The following UGGT1 variants were observed in gnomAD, a reference collection of about 807,000 sequenced individuals.
The protein encoded by UGGT1 is UDP-glucose:glycoprotein glucosyltransferase 1.
In UGGT1, 107 loss-of-function variants were observed where a neutral mutation model predicts 203.9. The ratio of observed to expected loss-of-function variants is 0.52; its 90% CI spans 0.45 to 0.62. The LOEUF is 0.62. UGGT1 is among the 20% of genes least tolerant of loss of function. The pLI, the probability that UGGT1 is intolerant of heterozygous loss-of-function variation, is 0.00. For synonymous variants in UGGT1, 628 were observed against 653.5 expected (o/e 0.96, Z 0.59); for missense variants, 1,673 against 1,867.2 (o/e 0.90, Z 1.92).
Position 128,176,860 on chromosome 2 carries a change from G to A in UGGT1, c.3586G>A (p.Val1196Ile), listed in dbSNP as rs780702614. ...CCCTGATGCTGATGAGGTGGTTATCGTCCTCAACAACTTCAAAAGCAAAAT... is the reference window on the plus strand; with the variant it reads ...CCCTGATGCTGATGAGGTGGTTATCATCCTCAACAACTTCAAAAGCAAAAT... ...SPPDADEVVI[V>I]LNNFKSKIIK... The change falls in exon 32 of 41, where the codon GTC becomes ATC. Residue 1196 changes from valine to isoleucine, a missense_variant. Coordinates refer to ENST00000259253, the MANE Select transcript of UGGT1 (RefSeq NM_020120.4). 21 of 1,614,000 alleles carry A rather than the reference G, an allele frequency of 1.3e-5. No individual in the cohort carries two copies. The highest frequency in any genetic ancestry group is 1.6e-4 in the Middle Eastern group (1 of 6,080).
intron 16 of UGGT1, among the ~76,000 whole-genome samples, chr2:128,139,583 G>A (rs1015925034): frequency 1.3e-5 from 2 of 152,182 alleles, no homozygotes; most frequent in African/African-American, 4.8e-5. Flanking sequence ...GGAAAGCTGG[G>A]CAGTATTCTG....
chr2:128,103,494 A>G (rs1419790121), intron 2 of UGGT1, among the ~76,000 whole-genome samples: 1 of 152,132 alleles, frequency 6.6e-6, no homozygotes, highest in Non-Finnish European at 1.5e-5. Flanking sequence ...TACGGTTCAT[A>G]TTTTACTGTG....
intron 25 of UGGT1, among the ~76,000 whole-genome samples, chr2:128,163,340 C>G (rs1690621188): frequency 6.8e-6 from 1 of 147,580 alleles, no homozygotes; most frequent in African/African-American, 2.5e-5. Context: ...AATTCTTATT[C>G]AGGATTTAGT....
At chr2:128,176,743 G>C in intron 31 of UGGT1, 71 bp from the exon 32 acceptor site, 1 of 1,379,494 alleles carries the variant, frequency 7.2e-7, no homozygotes, top group Non-Finnish European at 1.0e-6. Flanking sequence ...GATGGACTCA[G>C]ATGCTCTGAG....
At chr2:128,115,372 AT>A in intron 7 of UGGT1, 152 bp downstream of exon 7, 1 of 581,542 alleles carries the variant, frequency 1.7e-6, no homozygotes, top group Admixed American at 3.0e-5. Flanking sequence ...CCTTAAGCAG[AT>A]TCTCTAGATC....
chr2:128,173,730 T>TTATTCATG, intron 29 of UGGT1, 51 bp from the exon 30 acceptor site: 1 of 1,591,656 alleles, frequency 6.3e-7, no homozygotes, highest in East Asian at 2.2e-5. Context: ...CATTTCAGAT[T>TTATTCATG]TATTCATGTT....
At chr2:128,156,066 C>T (rs1248415090) in intron 20 of UGGT1, among the ~76,000 whole-genome samples, 6 of 152,176 alleles carry the variant, frequency 3.9e-5, no homozygotes, top group African/African-American at 1.2e-4. Flanking sequence ...CAGATTCTGT[C>T]GCCCTCGGGT....
rs558671719 is a variant in UGGT1 at position 128,109,862 on chromosome 2, A to G, written c.521+116A>G. The G allele has an allele frequency of 1.9e-4, 144 of 777,040 alleles. No homozygotes were observed. In the African/African-American group the frequency reaches 2.2e-3, roughly 12 times the overall value. 48.1% of individuals were successfully genotyped at this position (777,040 alleles called of 1,614,324 possible). Reference sequence around the variant, plus strand: ...ATCATTAGGTGTAATGGTTTAGAGTATGGCTTCTGGAACCAGACTGACTAT... The same window carrying G: ...ATCATTAGGTGTAATGGTTTAGAGTGTGGCTTCTGGAACCAGACTGACTAT... On this transcript the variant is annotated intron_variant, in intron 5 of 40. Transcript: ENST00000259253.
chr2:128,106,081 A>G (rs1347364364), intron 3 of UGGT1, among the ~76,000 whole-genome samples: 1 of 149,154 alleles, frequency 6.7e-6, no homozygotes, highest in South Asian at 2.1e-4. Flanking sequence ...ATGGGATTAC[A>G]GGCGTGGGCC....
intron 8 of UGGT1, among the ~76,000 whole-genome samples, 194 bp from the exon 9 acceptor site, chr2:128,120,162 A>G (rs1305055685): frequency 2.0e-5 from 3 of 152,126 alleles, no homozygotes; most frequent in Non-Finnish European, 2.9e-5. Flanking sequence ...TATAAATTTT[A>G]TGAGTTTTAA....
At chr2:128,094,848 A>G (rs1264620670) in intron 1 of UGGT1, among the ~76,000 whole-genome samples, 2 of 143,446 alleles carry the variant, frequency 1.4e-5, no homozygotes, top group African/African-American at 5.2e-5. Flanking sequence ...TCCCGGGTTC[A>G]AGCGATTCTC....
chr2:128,187,484 A>G lies in UGGT1; in HGVS notation c.4512A>G (p.Glu1504=), dbSNP rs1558833776. The change falls in exon 40 of 41, where the codon GAA becomes GAG. Residue 1504 remains glutamate (E), a synonymous_variant. Transcript: ENST00000259253. ...NNPMTKEPKL[E]AAVRIVPEWQ... ...CGATGACCAAAGAGCCGAAACTGGA[A>G]GCAGCTGTGCGGATTGTCCCGGAGT... is the stretch of plus-strand genomic sequence containing the variant. The G allele has an allele frequency of 1.2e-6, 2 of 1,614,114 alleles. No homozygotes were observed. Among genetic ancestry groups the G allele is most frequent in the Non-Finnish European group, 1.7e-6 (2 of 1,179,982 alleles).
At chr2:128,182,099 T>A (rs1691719516) in intron 36 of UGGT1, 31 bp from the exon 37 acceptor site, 1 of 1,607,286 alleles carries the variant, frequency 6.2e-7, no homozygotes, top group Non-Finnish European at 8.5e-7. Flanking sequence ...TCTGCATGGT[T>A]GCTTAACAAA....
chr2:128,175,418 A>G (rs1173664104), intron 31 of UGGT1, among the ~76,000 whole-genome samples: 1 of 152,104 alleles, frequency 6.6e-6, no homozygotes, highest in African/African-American at 2.4e-5. Context: ...AAAAAGTTTG[A>G]TATAAATTCT....
chr2:128,174,925 T>C, intron 31 of UGGT1, 67 bp downstream of exon 31: 5 of 1,375,392 alleles, frequency 3.6e-6, no homozygotes, highest in Non-Finnish European at 3.0e-6. Flanking sequence ...TCTAATTGAA[T>C]ACTACCCTGG....
At chr2:128,170,757 C>A (rs1391828214) in intron 27 of UGGT1, among the ~76,000 whole-genome samples, 2 of 152,092 alleles carry the variant, frequency 1.3e-5, no homozygotes, top group Non-Finnish European at 2.9e-5. Context: ...TTTGTCTTGG[C>A]ATGTCTTTTA....
chr2:128,139,879 C>G (rs993153269), intron 16 of UGGT1: 1 of 153,554 alleles, frequency 6.5e-6, no homozygotes, highest in African/African-American at 2.4e-5. Context: ...AGCATGAAGG[C>G]AATCTGGCCA....
rs9973651 is a variant in UGGT1 at position 128,190,321 on chromosome 2, T to C, written c.*579T>C. ...CAACAATTGTGTGTCAAGGCTGGTT[T>C]GGTGCAGTGGCTGGGCAAATTAATT... On this transcript the variant is annotated 3_prime_UTR_variant, in exon 41 of 41. Transcript: ENST00000259253. The C allele has an allele frequency of 0.43, 65,116 of 152,114 alleles. 14,151 individuals carry two copies. The highest frequency in any genetic ancestry group is 0.57 in the South Asian group (2,762 of 4,816). 9.4% of individuals were successfully genotyped at this position (152,114 alleles called of 1,614,324 possible). A position where few individuals can be genotyped will look rare whatever the true frequency, so the allele number is the denominator to read the frequency against.
intron 1 of UGGT1, among the ~76,000 whole-genome samples, chr2:128,095,898 C>G (rs1490812815): frequency 6.6e-6 from 1 of 152,178 alleles, no homozygotes; most frequent in African/African-American, 2.4e-5. Context: ...TATTAAAGAA[C>G]TGGGATGAGA....
Sources: gnomAD v4.1 joint callset for allele counts (sites outside exome capture counted in the v4.1 genomes callset) on GRCh38, gnomAD v4.1.1 for gene constraint, MANE v1.5 for transcripts, NCBI Gene and HGNC (gene_info 2026-07-23, HGNC 2026-07-21) for gene names.